The following PCDHGA5 variants were observed in gnomAD, a reference collection of about 807,000 sequenced individuals.
PCDHGA5 encodes protocadherin gamma-A5.
PCDHGA5 carries 36 observed loss-of-function variants against 56.7 expected under a neutral mutation model. The observed-to-expected ratio is 0.64, with a 90% CI of 0.49 to 0.84. The LOEUF (loss-of-function observed/expected upper bound fraction) is 0.84, where lower values mean the gene tolerates loss of function less well. Among genes scored for constraint, PCDHGA5 ranks in the 40% least tolerant of loss-of-function variants. The probability of loss-of-function intolerance (pLI) is 0.00; values close to 1 mark genes in which losing one functional copy is unlikely to be tolerated. For missense variants in PCDHGA5, 1,305 were observed against 1,201.5 expected, an observed-to-expected ratio of 1.09 and a Z score of -1.27; for synonymous variants, 563 against 520.2, an observed-to-expected ratio of 1.08 and a Z score of -1.12.
rs530054362 is a variant in PCDHGA5 at position 141,486,066 on chromosome 5, C to G, written c.2422-8741C>G. ...AGAAACCTCTTTAGCCTGCACCCCACTACTGGAAAGCTTACTCTTTTGGGG... is the reference window on the plus strand; with the variant it reads ...AGAAACCTCTTTAGCCTGCACCCCAGTACTGGAAAGCTTACTCTTTTGGGG... On this transcript the variant is annotated intron_variant, in intron 1 of 3. Coordinates refer to ENST00000518069, the MANE Select transcript of PCDHGA5 (RefSeq NM_018918.3). This position sits in a 1 kb window ranked among gnomAD's most constrained non-coding sequence, Gnocchi z 5.0. The G allele has an allele frequency of 3.1e-6, 5 of 1,614,166 alleles. No homozygotes were observed. In the African/African-American group the frequency reaches 5.3e-5, roughly 17 times the overall value.
rs1561857042 is a variant in PCDHGA5, at chr5:141,432,038, C to CG, written c.2422-62765dup. 3 of 1,614,190 alleles carry CG rather than the reference C, an allele frequency of 1.9e-6. No individual in the cohort carries two copies. The highest frequency in any genetic ancestry group is 2.5e-6 in the Non-Finnish European group (3 of 1,180,032). Reference sequence around the variant, plus strand: ...CAACATCACAGTGACCGCCACTGACCGGGGAACCCCGCCCCTATCCACGGA... The same window carrying CG: ...CAACATCACAGTGACCGCCACTGACCGGGGGAACCCCGCCCCTATCCACGGA... On this transcript the variant is annotated intron_variant, in intron 1 of 3. Transcript: ENST00000518069. The surrounding 1 kb of genome is among the most constrained non-coding windows in gnomAD (Gnocchi z 6.0).
At chr5:141,474,920 C>A (rs1363277892) in intron 1 of PCDHGA5, among the ~76,000 whole-genome samples, 2 of 152,232 alleles carry the variant, frequency 1.3e-5, no homozygotes, top group Admixed American at 6.5e-5. Context: ...TACATCTCAT[C>A]TCTGGCTTAT....
chr5:141,447,848 G>A (rs539844218), intron 1 of PCDHGA5, among the ~76,000 whole-genome samples: 46 of 152,302 alleles, frequency 3.0e-4, no homozygotes, highest in East Asian at 2.7e-3. Context: ...TGCTTTGGGA[G>A]GCCGAGGTGG....
chr5:141,502,126 A>C (rs2154593060), intron 2 of PCDHGA5, among the ~76,000 whole-genome samples: 1 of 152,252 alleles, frequency 6.6e-6, no homozygotes, highest in South Asian at 2.1e-4. Flanking sequence ...AGGCCCACAG[A>C]GCTCAGTCGG....
At chr5:141,377,524 G>A (rs574411289) in intron 1 of PCDHGA5, 3 of 151,920 alleles carry the variant, frequency 2.0e-5, no homozygotes, top group Admixed American at 6.6e-5. Context: ...TAAGTCCAGG[G>A]GTATGAGGCT....
intron 1 of PCDHGA5, chr5:141,399,813 G>A (rs985564503): frequency 6.2e-7 from 1 of 1,613,198 alleles, no homozygotes; most frequent in Non-Finnish European, 8.5e-7. Context: ...TGTACCCCGC[G>A]CTGGGTCCCG....
intron 1 of PCDHGA5, chr5:141,395,506 G>T: frequency 4.6e-6 from 2 of 433,794 alleles, no homozygotes; most frequent in Non-Finnish European, 8.1e-6. Flanking sequence ...CACTTAAGAA[G>T]TAGCTACCCG....
chr5:141,381,417 G>A (rs954058342), intron 1 of PCDHGA5, among the ~76,000 whole-genome samples: 1 of 152,214 alleles, frequency 6.6e-6, no homozygotes, highest in Admixed American at 6.5e-5. Context: ...GTGGAGAGAC[G>A]AGTACCTCTA....
At chr5:141,479,048 C>A (rs1253895615) in intron 1 of PCDHGA5, among the ~76,000 whole-genome samples, 1 of 152,150 alleles carries the variant, frequency 6.6e-6, no homozygotes, top group Admixed American at 6.5e-5. Flanking sequence ...GTACCTCATT[C>A]TCAGATAATT....
rs1440733700 is a variant in PCDHGA5 at position 141,441,803 on chromosome 5, G to A, written c.2422-53004G>A. 249 of 383,164 alleles carry A rather than the reference G, an allele frequency of 6.5e-4. 2 individuals carry two copies. Among genetic ancestry groups the A allele is most frequent in the African/African-American group, 4.8e-3 (220 of 45,902 alleles). The allele number at this position is 383,164 out of a possible 1,614,324, so 23.7% of individuals were successfully genotyped here. The stretch of plus-strand genomic sequence containing the variant: ...ACCTGAATGACAACGCACCGCGGGT[G>A]CTGTACCCCAGCTCTGGAGCGCAAT... On this transcript the variant is annotated intron_variant, in intron 1 of 3. Coordinates refer to ENST00000518069, the MANE Select transcript of PCDHGA5 (RefSeq NM_018918.3).
intron 1 of PCDHGA5, among the ~76,000 whole-genome samples, chr5:141,466,436 G>A (rs181613158): frequency 1.3e-5 from 2 of 152,270 alleles, no homozygotes; most frequent in East Asian, 1.9e-4. Context: ...AAGCTGAACC[G>A]AGATGTCTAT....
chr5:141,418,714 T>C, intron 1 of PCDHGA5: 4 of 1,614,000 alleles, frequency 2.5e-6, no homozygotes, highest in Non-Finnish European at 3.4e-6. Flanking sequence ...TTGGTGTGGC[T>C]GACAAAGCTC....
At chr5:141,425,069 A>G (rs771114613) in intron 1 of PCDHGA5, among the ~76,000 whole-genome samples, 1 of 152,170 alleles carries the variant, frequency 6.6e-6, no homozygotes. Context: ...GACAAAAATA[A>G]TTTCAACTGT....
rs375307919 is a variant in PCDHGA5, at chr5:141,371,297, C to T, written c.2421+4546C>T. ...AGCTGGACAGTAAAACGGGGGAACT[C>T]ACCACTATTGGAGAACTGGACTTTG... On this transcript the variant is annotated intron_variant, in intron 1 of 3. Coordinates refer to ENST00000518069, the MANE Select transcript of PCDHGA5 (RefSeq NM_018918.3). 11 of 1,613,878 alleles carry T rather than the reference C, an allele frequency of 6.8e-6. No individual in the cohort carries two copies. The African/African-American group carries it at 1.5e-4, about 22-fold the overall frequency.
intron 1 of PCDHGA5, chr5:141,422,327 T>C (rs1561800795): frequency 1.3e-6 from 2 of 1,548,652 alleles, no homozygotes; most frequent in African/African-American, 2.8e-5. Context: ...GGTACAGTGA[T>C]TGCTCTTCTA....
Position 141,365,186 on chromosome 5 carries a change from GA to G in PCDHGA5, c.862del (p.Ile288PhefsTer33). 2 of 1,613,880 alleles carry G rather than the reference GA, an allele frequency of 1.2e-6. No individual in the cohort carries two copies. Among genetic ancestry groups the G allele is most frequent in the Non-Finnish European group, 1.7e-6 (2 of 1,179,888 alleles). On this transcript the variant is annotated frameshift_variant, in exon 1 of 4. Transcript: ENST00000518069. LOFTEE classifies it high-confidence loss of function. ...KLTYSFRNEE[E>X]KISETFQLDS... is the part of the protein sequence containing the mutation. Reference sequence around the variant, plus strand: ...GACCTACTCTTTTCGCAATGAAGAAGAAAAAATTTCGGAGACTTTCCAACTT... The same window carrying G: ...GACCTACTCTTTTCGCAATGAAGAAGAAAAATTTCGGAGACTTTCCAACTT...
intron 1 of PCDHGA5, chr5:141,370,273 C>A: frequency 1.2e-6 from 1 of 809,002 alleles, no homozygotes; most frequent in Non-Finnish European, 1.9e-6. Context: ...GCAGCGGAGA[C>A]ACCCATTAGA....
At chr5:141,437,939 T>C (rs1055613655) in intron 1 of PCDHGA5, among the ~76,000 whole-genome samples, 3 of 152,152 alleles carry the variant, frequency 2.0e-5, no homozygotes, top group African/African-American at 7.2e-5. Flanking sequence ...GGTTTCACCA[T>C]ATTGGCCAGA....
chr5:141,419,741 A>C (rs769795920), intron 1 of PCDHGA5: 2 of 1,613,856 alleles, frequency 1.2e-6, no homozygotes, highest in Admixed American at 1.7e-5. Context: ...CGAGGTGCGC[A>C]TGGTGCGTGC....
Sources: gnomAD v4.1 joint callset for allele counts (sites outside exome capture counted in the v4.1 genomes callset) on GRCh38, gnomAD v4.1.1 for gene constraint, Gnocchi (gnomAD v3.1) non-coding constraint, MANE v1.5 for transcripts, NCBI Gene and HGNC (gene_info 2026-07-23, HGNC 2026-07-21) for gene names.